Variants in VPS13B observed in about 807,000 individuals in gnomAD.
The protein encoded by VPS13B is vacuolar protein sorting 13 homolog B.
VPS13B carries 285 observed loss-of-function variants against 426.4 expected under a neutral mutation model. The ratio of observed to expected loss-of-function variants is 0.67; its 90% CI spans 0.61 to 0.74. The LOEUF is 0.74. Ranked by LOEUF, VPS13B falls within the 30% of genes least tolerant of loss-of-function variation. The pLI, the probability that VPS13B is intolerant of heterozygous loss-of-function variation, is 0.00. For missense variants in VPS13B, 4,537 were observed against 4,782.6 expected (o/e 0.95, Z 1.51); for synonymous variants, 1,676 against 1,676.4 (o/e 1.00, Z 0.01).
At chr8:99,114,546 C>T (rs1398779318) in intron 6 of VPS13B, among the ~76,000 whole-genome samples, 1 of 152,182 alleles carries the variant, frequency 6.6e-6, no homozygotes, top group Non-Finnish European at 1.5e-5. Context: ...AAGAATGTGA[C>T]AGAGGAATTT....
At position 99,577,566 on chromosome 8, in the gene VPS13B, T is replaced by TC. The variant is rs1563806122; in HGVS notation, c.5153_5154insC (p.Gln1719SerfsTer25). The TC allele has an allele frequency of 1.9e-6, 3 of 1,613,756 alleles. No individual in the cohort carries two copies. In the African/African-American group the frequency reaches 4.0e-5, roughly 22 times the overall value. On this transcript the variant is annotated frameshift_variant, in exon 33 of 62. Transcript: ENST00000357162. LOFTEE classifies it high-confidence loss of function. ...GACTTCTTCCTAAGTGTGGCTCAAG[T>TC]TCAACTCTTACATCAGTTAATAGTA...
chr8:99,437,963 C>CTT (rs948331130), intron 22 of VPS13B, among the ~76,000 whole-genome samples: 1 of 147,912 alleles, frequency 6.8e-6, no homozygotes, highest in Non-Finnish European at 1.5e-5. Context: ...CCAGACTTAG[C>CTT]TTTTTTTTTG....
intron 17 of VPS13B, chr8:99,232,931 T>C (rs1816423623): frequency 1.6e-6 from 1 of 606,888 alleles, no homozygotes; most frequent in Non-Finnish European, 3.0e-6. Context: ...CGCAGACTTC[T>C]CATTCCTCAG....
At chr8:99,714,581 C>T (rs991561264) in intron 36 of VPS13B, among the ~76,000 whole-genome samples, 3 of 152,148 alleles carry the variant, frequency 2.0e-5, no homozygotes, top group African/African-American at 7.2e-5. Flanking sequence ...CAAAATCTGA[C>T]AGACACCACT....
Position 99,872,475 on chromosome 8 carries a change from G to A in VPS13B, c.11745+778G>A, listed in dbSNP as rs573189787. Among the ~76,000 whole-genome samples, 25 of 152,218 alleles carry A rather than the reference G, an allele frequency of 1.6e-4. No individual in the cohort carries two copies. The South Asian group carries it at 3.3e-3, about 20-fold the overall frequency. Reference sequence around the variant, plus strand: ...GCATAAATTAATGTGGAACAGATGCGCAGGCAAGGCATACTGGGTGTCAAG... The same window carrying A: ...GCATAAATTAATGTGGAACAGATGCACAGGCAAGGCATACTGGGTGTCAAG... On this transcript the variant is annotated intron_variant, in intron 61 of 61. Transcript: ENST00000357162.
chr8:99,542,294 A>G (rs1823664477), intron 30 of VPS13B, among the ~76,000 whole-genome samples: 1 of 152,168 alleles, frequency 6.6e-6, no homozygotes, highest in South Asian at 2.1e-4. Context: ...TCCTAATAAT[A>G]TCTATATAAT....
At chr8:99,249,035 T>G (rs185692881) in intron 17 of VPS13B, among the ~76,000 whole-genome samples, 2 of 152,328 alleles carry the variant, frequency 1.3e-5, no homozygotes, top group Admixed American at 1.3e-4. Context: ...AAGTAATTGC[T>G]CATAATTCCT....
intron 17 of VPS13B, chr8:99,234,518 G>T (rs1261682815): frequency 2.0e-6 from 1 of 500,558 alleles, no homozygotes; most frequent in East Asian, 5.6e-5. Context: ...GGCTTCCGCG[G>T]GGTTGGGGTT....
intron 2 of VPS13B, among the ~76,000 whole-genome samples, chr8:99,014,524 T>C (rs1437379551): frequency 6.6e-6 from 1 of 152,046 alleles, no homozygotes; most frequent in African/African-American, 2.4e-5. Context: ...TCAGAATTGT[T>C]CGGTCTACTT....
At chr8:99,188,053 A>ATT (rs60360700) in intron 16 of VPS13B, among the ~76,000 whole-genome samples, 7,770 of 112,742 alleles carry the variant, frequency 0.069, 437 homozygotes, top group South Asian at 0.099. Context: ...TTGTTTGGAC[A>ATT]TTTTTTTTTT....
chr8:99,185,814 A>AT (rs973685065), intron 16 of VPS13B, among the ~76,000 whole-genome samples: 13 of 151,786 alleles, frequency 8.6e-5, no homozygotes, highest in East Asian at 1.9e-4. Context: ...AGAAGAAGGA[A>AT]TTTTTTTTTA....
intron 21 of VPS13B, among the ~76,000 whole-genome samples, chr8:99,413,908 T>C (rs192181700): frequency 3.9e-5 from 6 of 152,290 alleles, no homozygotes; most frequent in Non-Finnish European, 8.8e-5. Flanking sequence ...ATTCTGTTGA[T>C]TTGGGGTGGA....
intron 19 of VPS13B, among the ~76,000 whole-genome samples, chr8:99,318,623 G>A (rs576834904): frequency 1.9e-3 from 286 of 152,194 alleles, no homozygotes; most frequent in Middle Eastern, 0.01. Flanking sequence ...GGGTTCAAGC[G>A]ATTCTCCTGC....
In VPS13B at chr8:99,828,394, G is replaced by GTTTTTTTTTTTTTTTTTTTTTTTTTTT. The variant is rs555108452; in HGVS notation, c.9331-3961_9331-3935dup. ...ATCAGAGACTAGGATTACAACCACCGTTTTTTTTTTTTTTTTTTTTTTTTT... is the reference window on the plus strand; with the variant it reads ...ATCAGAGACTAGGATTACAACCACCGTTTTTTTTTTTTTTTTTTTTTTTTTTTTTTTTTTTTTTTTTTTTTTTTTTTT... On this transcript the variant is annotated intron_variant, in intron 51 of 61. Transcript: ENST00000357162. 2.5e-3 allele frequency among the ~76,000 whole-genome samples: 43 copies of GTTTTTTTTTTTTTTTTTTTTTTTTTTT among 17,424 alleles called. 12 individuals carry two copies. Among genetic ancestry groups the GTTTTTTTTTTTTTTTTTTTTTTTTTTT allele is most frequent in the South Asian group, 2.5e-3 (1 of 408 alleles). The allele number at this position is 17,424 out of a possible 152,430, so 11.4% of individuals were successfully genotyped here.
intron 30 of VPS13B, among the ~76,000 whole-genome samples, chr8:99,523,494 C>T (rs189317976): frequency 1.0e-3 from 158 of 152,324 alleles, no homozygotes; most frequent in African/African-American, 3.5e-3. Context: ...CACACACACA[C>T]CCACACCCCT....
intron 33 of VPS13B, among the ~76,000 whole-genome samples, chr8:99,597,013 C>T (rs1000003350): frequency 6.6e-6 from 1 of 152,020 alleles, no homozygotes; most frequent in Non-Finnish European, 1.5e-5. Flanking sequence ...TCCTAAAGTT[C>T]TATATCATAT....
chr8:99,785,244 T>C (rs1475356172), intron 43 of VPS13B, among the ~76,000 whole-genome samples: 1 of 152,168 alleles, frequency 6.6e-6, no homozygotes, highest in Non-Finnish European at 1.5e-5. Flanking sequence ...ATAATGTATT[T>C]GTTAAACTCT....
intron 25 of VPS13B, among the ~76,000 whole-genome samples, chr8:99,488,730 T>C (rs1200679399): frequency 2.0e-5 from 3 of 151,958 alleles, no homozygotes; most frequent in Non-Finnish European, 4.4e-5. Flanking sequence ...TAGTGGAACC[T>C]CTGGAAGAGA....
chr8:99,463,268 T>G (rs1381409292), intron 23 of VPS13B, among the ~76,000 whole-genome samples: 1 of 152,188 alleles, frequency 6.6e-6, no homozygotes, highest in African/African-American at 2.4e-5. Context: ...TTAGAGAATC[T>G]TAGAGTATTA....
Sources: allele counts gnomAD v4.1 joint callset (sites outside exome capture counted in the v4.1 genomes callset), GRCh38; gene constraint gnomAD v4.1.1; transcripts MANE v1.5; gene names NCBI Gene and HGNC (gene_info 2026-07-23, HGNC 2026-07-21).